The following NMNAT1 variants were observed in gnomAD, a reference collection of about 807,000 sequenced individuals.
NMNAT1 encodes the protein nicotinamide nucleotide adenylyltransferase 1.
NMNAT1 carries 11 observed loss-of-function variants against 16.7 expected under a neutral mutation model. The observed-to-expected ratio is 0.66, with a 90% CI of 0.41 to 1.09. NMNAT1 has a LOEUF of 1.09. Among genes scored for constraint, NMNAT1 ranks in the 50% least tolerant of loss-of-function variants. The pLI is 0.00. For synonymous variants in NMNAT1, 110 were observed against 119.8 expected, an observed-to-expected ratio of 0.92 and a Z score of 0.53; for missense variants, 280 against 332.3, an observed-to-expected ratio of 0.84 and a Z score of 1.22.
At chr1:9,968,078 T>G (rs903718378) in intron 1 of NMNAT1, among the ~76,000 whole-genome samples, 1 of 91,100 alleles carries the variant, frequency 1.1e-5, no homozygotes, top group Non-Finnish European at 3.1e-5. Flanking sequence ...GTTTTTTTTT[T>G]TGTTTTTTTT....
intron 1 of NMNAT1, among the ~76,000 whole-genome samples, chr1:9,970,724 A>G (rs1344623655): frequency 6.6e-6 from 1 of 152,024 alleles, no homozygotes; most frequent in Non-Finnish European, 1.5e-5. Flanking sequence ...TAAAAACCTA[A>G]AATTGGATGC....
chr1:9,956,414 G>T (rs1255663954), intron 1 of NMNAT1, among the ~76,000 whole-genome samples: 3 of 139,830 alleles, frequency 2.1e-5, no homozygotes, highest in East Asian at 4.3e-4. Flanking sequence ...CAAGTGATTG[G>T]TCTACCTTTT....
downstream of NMNAT1, among the ~76,000 whole-genome samples, chr1:9,988,198 A>G (rs1259738382): frequency 6.6e-6 from 1 of 152,072 alleles, no homozygotes; most frequent in Non-Finnish European, 1.5e-5. Context: ...GGGTTTCTCC[A>G]TGTTGGCCCG....
intron 1 of NMNAT1, among the ~76,000 whole-genome samples, chr1:9,968,539 G>C (rs1641611896): frequency 2.0e-5 from 1 of 49,976 alleles, no homozygotes; most frequent in African/African-American, 4.2e-5. Context: ...GGCCGAGGCA[G>C]GTGGATCACT....
In NMNAT1 at chr1:9,982,767, CTG is replaced by C; in HGVS notation, c.*67_*68del. Reference sequence around the variant, plus strand: ...TCTGAAACAATCTGGGAGTTAATAACTGGGGAAAGAAGTTGTGATCTGTTGCC... The same window carrying C: ...TCTGAAACAATCTGGGAGTTAATAACGGGAAAGAAGTTGTGATCTGTTGCC... On this transcript the variant is annotated 3_prime_UTR_variant, in exon 5 of 5. Coordinates refer to ENST00000377205, the MANE Select transcript of NMNAT1 (RefSeq NM_022787.4). 3 of 1,471,112 alleles carry C rather than the reference CTG, an allele frequency of 2.0e-6. No homozygotes were observed. The South Asian group carries it at 4.1e-5, about 20-fold the overall frequency. The allele number at this position is 1,471,112 out of a possible 1,614,324, so 91.1% of individuals were successfully genotyped here. A position where few individuals can be genotyped will look rare whatever the true frequency, so the allele number is the denominator to read the frequency against.
chr1:9,967,119 G>C (rs1557466528), intron 1 of NMNAT1, among the ~76,000 whole-genome samples: 2 of 152,040 alleles, frequency 1.3e-5, no homozygotes, highest in African/African-American at 4.8e-5. Flanking sequence ...AGCTACTCAG[G>C]AGGGTGAGGC....
At chr1:9,966,940 T>C (rs1330997539) in intron 1 of NMNAT1, among the ~76,000 whole-genome samples, 1 of 152,074 alleles carries the variant, frequency 6.6e-6, no homozygotes, top group Non-Finnish European at 1.5e-5. Flanking sequence ...AAAAATTATT[T>C]GGGCTGGGCA....
In NMNAT1 at chr1:9,972,214, T is replaced by A. The variant is rs777928179; in HGVS notation, c.115+26T>A. 1.4e-5 allele frequency: 18 copies of A among 1,324,414 alleles called. No homozygotes were observed. In the Middle Eastern group the frequency reaches 7.3e-4, roughly 54 times the overall value. The allele number at this position is 1,324,414 out of a possible 1,614,324, so 82.0% of individuals were successfully genotyped here. On this transcript the variant is annotated intron_variant, in intron 2 of 4. Coordinates refer to ENST00000377205, the MANE Select transcript of NMNAT1 (RefSeq NM_022787.4). ...GTAGGAGCAGTAACCAAAAGTGGCT[T>A]AAGACTAGAGAACCAGCCGGGTGCA...
chr1:9,945,979 C>G (rs944141464), intron 1 of NMNAT1, among the ~76,000 whole-genome samples: 2 of 152,116 alleles, frequency 1.3e-5, no homozygotes, highest in Non-Finnish European at 2.9e-5. Flanking sequence ...GTTTCAAACT[C>G]CTGGGCTCAA....
chr1:9,961,534 T>C (rs1223405560), intron 1 of NMNAT1, among the ~76,000 whole-genome samples: 1 of 152,146 alleles, frequency 6.6e-6, no homozygotes, highest in Non-Finnish European at 1.5e-5. Flanking sequence ...TGGTAGTTTT[T>C]ATGGGTATCG....
At chr1:9,953,941 G>A (rs1174863139) in intron 1 of NMNAT1, among the ~76,000 whole-genome samples, 1 of 150,952 alleles carries the variant, frequency 6.6e-6, no homozygotes, top group Non-Finnish European at 1.5e-5. Context: ...TCGTAGCTGG[G>A]ACTACAGGCA....
intron 4 of NMNAT1, chr1:9,981,409 GTATTTT>G (rs1410768077): frequency 2.4e-6 from 1 of 418,838 alleles, no homozygotes; most frequent in Non-Finnish European, 4.2e-6. Flanking sequence ...TAATTTGTTT[GTATTTT>G]TAGTAGAGAC....
At chr1:9,972,428 G>T in intron 2 of NMNAT1, 1 of 294,888 alleles carries the variant, frequency 3.4e-6, no homozygotes, top group Non-Finnish European at 6.4e-6. Context: ...CCCGGGAGGC[G>T]GAGGTTGCAG....
chr1:9,948,394 G>A (rs1254160709), intron 1 of NMNAT1, among the ~76,000 whole-genome samples: 1 of 152,100 alleles, frequency 6.6e-6, no homozygotes, highest in African/African-American at 2.4e-5. Context: ...GGGCAATATA[G>A]TGAAACCTTA....
At position 9,958,953 on chromosome 1, in the gene NMNAT1, CTGTT is replaced by C. The variant is rs1256221209; in HGVS notation, c.-56-13064_-56-13061del. Among the ~76,000 whole-genome samples the C allele has an allele frequency of 2.6e-5, 4 of 152,146 alleles. No individual in the cohort carries two copies. The East Asian group carries it at 7.7e-4, about 29-fold the overall frequency. On this transcript the variant is annotated intron_variant, in intron 1 of 4. Coordinates refer to ENST00000377205, the MANE Select transcript of NMNAT1 (RefSeq NM_022787.4). ...CCATTTTTTTAAATGAGGAAACTGACTGTTAACTGACAAACTGAGAGTTAATCTA... is the reference window on the plus strand; with the variant it reads ...CCATTTTTTTAAATGAGGAAACTGACAACTGACAAACTGAGAGTTAATCTA...
intron 1 of NMNAT1, among the ~76,000 whole-genome samples, chr1:9,970,433 G>A (rs187581730): frequency 6.7e-4 from 102 of 152,116 alleles, no homozygotes; most frequent in Non-Finnish European, 9.4e-4. Context: ...AGTGGCTCAC[G>A]CCTGTAATCC....
chr1:9,963,619 G>C (rs1196927603), intron 1 of NMNAT1, among the ~76,000 whole-genome samples: 2 of 152,012 alleles, frequency 1.3e-5, no homozygotes, highest in Non-Finnish European at 2.9e-5. Flanking sequence ...ATGTTGGCCA[G>C]GCTGGTCTCG....
At position 9,982,904 on chromosome 1, in the gene NMNAT1, G is replaced by A. The variant is rs908773543; in HGVS notation, c.*203G>A. 3.5e-5 allele frequency: 17 copies of A among 484,576 alleles called. No individual in the cohort carries two copies. The highest frequency in any genetic ancestry group is 5.6e-4 in the Middle Eastern group (1 of 1,800). The allele number at this position is 484,576 out of a possible 1,614,324, so 30.0% of individuals were successfully genotyped here. A position where few individuals can be genotyped will look rare whatever the true frequency, so the allele number is the denominator to read the frequency against. On this transcript the variant is annotated 3_prime_UTR_variant, in exon 5 of 5. Coordinates refer to ENST00000377205, the MANE Select transcript of NMNAT1 (RefSeq NM_022787.4). ...AGGTGGATCACGGGGTCAAGAGATC[G>A]AGACCATCCTGGCCAATATGGTGAA...
At chr1:9,946,084 G>A (rs1309573138) in intron 1 of NMNAT1, among the ~76,000 whole-genome samples, 1 of 152,172 alleles carries the variant, frequency 6.6e-6, no homozygotes, top group Non-Finnish European at 1.5e-5. Flanking sequence ...ATAATCCAAT[G>A]TTCTGTTCTG....
Sources: gnomAD v4.1 joint callset for allele counts (sites outside exome capture counted in the v4.1 genomes callset) on GRCh38, gnomAD v4.1.1 for gene constraint, MANE v1.5 for transcripts, NCBI Gene and HGNC (gene_info 2026-07-23, HGNC 2026-07-21) for gene names.